The following GALNTL6 variants were observed in gnomAD, a reference collection of about 807,000 sequenced individuals.
The protein encoded by GALNTL6 is polypeptide N-acetylgalactosaminyltransferase-like 6.
A neutral mutation model predicts 73.7 loss-of-function variants in GALNTL6; 46 were observed. The observed-to-expected ratio is 0.62, with a 90% CI of 0.49 to 0.80. The LOEUF (loss-of-function observed/expected upper bound fraction) is 0.80, where lower values mean the gene tolerates loss of function less well. Ranked by LOEUF, GALNTL6 falls within the 30% of genes least tolerant of loss-of-function variation. The probability of loss-of-function intolerance (pLI) is 0.00; values close to 1 mark genes in which losing one functional copy is unlikely to be tolerated. For synonymous variants in GALNTL6, 259 were observed against 263.7 expected (o/e 0.98, Z 0.17); for missense variants, 604 against 755.0 (o/e 0.80, Z 2.34).
At chr4:172,662,219 A>G (rs1345357375) in intron 5 of GALNTL6, among the ~76,000 whole-genome samples, 1 of 152,216 alleles carries the variant, frequency 6.6e-6, no homozygotes, top group Non-Finnish European at 1.5e-5. Context: ...GATCATTTCT[A>G]TACCCTCTGC....
intron 5 of GALNTL6, among the ~76,000 whole-genome samples, chr4:172,617,549 T>C (rs1310826046): frequency 1.3e-5 from 2 of 152,086 alleles, no homozygotes; most frequent in Non-Finnish European, 2.9e-5. Flanking sequence ...CGATCTCAGC[T>C]CACTGCAAGC....
intron 5 of GALNTL6, among the ~76,000 whole-genome samples, chr4:172,395,832 G>A (rs1743830202): frequency 6.6e-6 from 1 of 152,100 alleles, no homozygotes; most frequent in Admixed American, 6.5e-5. Context: ...AAATCAACCG[G>A]CAACATTAAT....
At chr4:173,034,476 G>A (rs935084357) in intron 12 of GALNTL6, among the ~76,000 whole-genome samples, 6 of 152,074 alleles carry the variant, frequency 3.9e-5, no homozygotes, top group African/African-American at 1.4e-4. Context: ...TGACTTGCTG[G>A]TCTGTGGCAC....
At chr4:171,904,103 G>C (rs1737195143) in intron 2 of GALNTL6, among the ~76,000 whole-genome samples, 1 of 152,180 alleles carries the variant, frequency 6.6e-6, no homozygotes. Flanking sequence ...TCCTCCAAAG[G>C]AACGTAGTTC....
At chr4:172,104,751 C>T (rs889744329) in intron 2 of GALNTL6, among the ~76,000 whole-genome samples, 4 of 152,128 alleles carry the variant, frequency 2.6e-5, no homozygotes, top group Non-Finnish European at 5.9e-5. Flanking sequence ...AAAACTCCCT[C>T]ATGACAGATC....
At chr4:172,782,713 C>T (rs1014012220) in intron 5 of GALNTL6, among the ~76,000 whole-genome samples, 1 of 152,026 alleles carries the variant, frequency 6.6e-6, no homozygotes, top group Non-Finnish European at 1.5e-5. Context: ...TCTCAATTTT[C>T]CTGGGTTAAG....
intron 5 of GALNTL6, among the ~76,000 whole-genome samples, chr4:172,372,313 A>T (rs544613633): frequency 1.3e-5 from 2 of 152,284 alleles, no homozygotes; most frequent in Admixed American, 1.3e-4. Context: ...GGCCACGCAT[A>T]TACATATTTG....
chr4:172,459,527 A>G (rs1187425450), intron 5 of GALNTL6, among the ~76,000 whole-genome samples: 1 of 152,266 alleles, frequency 6.6e-6, no homozygotes, highest in Admixed American at 6.5e-5. Flanking sequence ...CTCAGGATAC[A>G]AAATTAATGT....
At chr4:171,829,045 G>A (rs1296346013) in intron 2 of GALNTL6, among the ~76,000 whole-genome samples, 1 of 151,984 alleles carries the variant, frequency 6.6e-6, no homozygotes, top group African/African-American at 2.4e-5. Context: ...TTATTTTATT[G>A]GTAAAGCCAC....
At chr4:172,277,770 C>T (rs1738888828) in intron 3 of GALNTL6, among the ~76,000 whole-genome samples, 1 of 152,096 alleles carries the variant, frequency 6.6e-6, no homozygotes, top group African/African-American at 2.4e-5. Context: ...TGGAATTCTA[C>T]CCTTGAATGT....
chr4:172,358,072 T>C (rs1003248497), intron 5 of GALNTL6, among the ~76,000 whole-genome samples: 1 of 152,180 alleles, frequency 6.6e-6, no homozygotes, highest in Non-Finnish European at 1.5e-5. Context: ...TATCTGTCTA[T>C]TTATTTATTT....
Position 172,822,946 on chromosome 4 carries a change from T to C in GALNTL6, c.923+9223T>C, listed in dbSNP as rs545242500. On this transcript the variant is annotated intron_variant, in intron 7 of 12. Coordinates refer to ENST00000506823, the MANE Select transcript of GALNTL6 (RefSeq NM_001034845.3). Reference sequence around the variant, plus strand: ...GACTTCATCTCATTTATTCCTTAGCTGGGCATTTTCATGGGTTCTGTCCTC... The same window carrying C: ...GACTTCATCTCATTTATTCCTTAGCCGGGCATTTTCATGGGTTCTGTCCTC... Among the ~76,000 whole-genome samples the C allele has an allele frequency of 1.7e-4, 26 of 152,308 alleles. 1 individual carries two copies. In the South Asian group the frequency reaches 4.4e-3, roughly 26 times the overall value.
chr4:172,774,519 G>T (rs1273194083), intron 5 of GALNTL6, among the ~76,000 whole-genome samples: 1 of 152,210 alleles, frequency 6.6e-6, no homozygotes, highest in Non-Finnish European at 1.5e-5. Flanking sequence ...TATGAAGGGA[G>T]CACACAGCTG....
intron 5 of GALNTL6, among the ~76,000 whole-genome samples, chr4:172,439,530 C>T (rs548442548): frequency 1.3e-5 from 2 of 151,792 alleles, no homozygotes; most frequent in East Asian, 3.9e-4. Flanking sequence ...CTCCAAGGCT[C>T]AGTTGTTGAT....
At chr4:172,977,772 G>A (rs1022914069) in intron 10 of GALNTL6, among the ~76,000 whole-genome samples, 5 of 152,162 alleles carry the variant, frequency 3.3e-5, no homozygotes, top group Non-Finnish European at 7.3e-5. Flanking sequence ...GTGCACATGT[G>A]CAGTAGCTGT....
chr4:172,178,685 A>G (rs1335047586), intron 2 of GALNTL6, among the ~76,000 whole-genome samples: 3 of 134,578 alleles, frequency 2.2e-5, no homozygotes, highest in African/African-American at 8.6e-5. Context: ...TTTAAGTTTT[A>G]GGGTACATGT....
At chr4:172,791,687 A>C (rs920352133) in intron 5 of GALNTL6, among the ~76,000 whole-genome samples, 1 of 152,180 alleles carries the variant, frequency 6.6e-6, no homozygotes, top group African/African-American at 2.4e-5. Flanking sequence ...AATCTAAAAA[A>C]TTAAGATAAA....
At chr4:172,390,650 G>A (rs1743632243) in intron 5 of GALNTL6, among the ~76,000 whole-genome samples, 1 of 152,140 alleles carries the variant, frequency 6.6e-6, no homozygotes, top group East Asian at 1.9e-4. Flanking sequence ...TATGGTTTTG[G>A]ATATCAACTG....
chr4:172,734,590 G>A (rs1032627128), intron 5 of GALNTL6, among the ~76,000 whole-genome samples: 2 of 152,170 alleles, frequency 1.3e-5, no homozygotes, highest in Non-Finnish European at 2.9e-5. Context: ...CGCAAGAGGT[G>A]GGTTTTTACA....
Sources: gnomAD v4.1 joint callset for allele counts (sites outside exome capture counted in the v4.1 genomes callset) on GRCh38, gnomAD v4.1.1 for gene constraint, MANE v1.5 for transcripts, NCBI Gene and HGNC (gene_info 2026-07-23, HGNC 2026-07-21) for gene names.